Variants in ERBB4 observed in about 807,000 individuals in gnomAD.
ERBB4 encodes the protein receptor tyrosine-protein kinase erbB-4.
ERBB4 carries 42 observed loss-of-function variants against 158.0 expected under a neutral mutation model. The ratio of observed to expected loss-of-function variants is 0.27; its 90% CI spans 0.21 to 0.34. The LOEUF is 0.34. Ranked by LOEUF, ERBB4 falls within the 10% of genes least tolerant of loss-of-function variation. The probability of loss-of-function intolerance (pLI) is 1.00; values close to 1 mark genes in which losing one functional copy is unlikely to be tolerated. For synonymous variants in ERBB4, 583 were observed against 558.7 expected (o/e 1.04, Z -0.61); for missense variants, 1,333 against 1,624.1 (o/e 0.82, Z 3.08).
At chr2:211,761,297 G>A (rs2075406639) in intron 4 of ERBB4, among the ~76,000 whole-genome samples, 1 of 151,292 alleles carries the variant, frequency 6.6e-6, no homozygotes, top group Admixed American at 6.6e-5. Flanking sequence ...AACATACTAT[G>A]ACTGAGAACT....
chr2:211,637,373 G>T (rs1238412760), intron 16 of ERBB4, among the ~76,000 whole-genome samples: 1 of 151,830 alleles, frequency 6.6e-6, no homozygotes, highest in Non-Finnish European at 1.5e-5. Context: ...TCTTAATTAT[G>T]TATATAATTT....
At position 212,167,546 on chromosome 2, in the gene ERBB4, T is replaced by C. The variant is rs542650815; in HGVS notation, c.83-42643A>G. Among the ~76,000 whole-genome samples, 3 of 152,238 alleles carry C rather than the reference T, an allele frequency of 2.0e-5. No individual in the cohort carries two copies. The East Asian group carries it at 5.8e-4, about 29-fold the overall frequency. The stretch of plus-strand genomic sequence containing the variant: ...AGACAGTATGGCTATTCCTCAAGGA[T>C]TTAGAACCAGAAATACCATTTGACC... On this transcript the variant is annotated intron_variant, in intron 1 of 27. Coordinates refer to ENST00000342788, the MANE Select transcript of ERBB4 (RefSeq NM_005235.3).
intron 25 of ERBB4, among the ~76,000 whole-genome samples, chr2:211,392,590 ACACACACACACC>A (rs753535931): frequency 0.022 from 3,339 of 150,884 alleles, 57 homozygotes; most frequent in Admixed American, 0.035. Context: ...ACACACACAC[ACACACACACACC>A]CCAATAATGA....
intron 1 of ERBB4, among the ~76,000 whole-genome samples, chr2:212,500,169 G>A (rs1690807563): frequency 6.6e-6 from 1 of 152,036 alleles, no homozygotes; most frequent in African/African-American, 2.4e-5. Context: ...GACTGCCTCA[G>A]GTAAATTATC....
At chr2:212,068,891 A>C (rs2078024094) in intron 2 of ERBB4, among the ~76,000 whole-genome samples, 1 of 152,072 alleles carries the variant, frequency 6.6e-6, no homozygotes. Flanking sequence ...GAAAGTATCT[A>C]TACACTTTTT....
intron 3 of ERBB4, among the ~76,000 whole-genome samples, chr2:211,824,186 C>A (rs1167219186): frequency 6.6e-6 from 1 of 151,974 alleles, no homozygotes; most frequent in Admixed American, 6.6e-5. Context: ...TTTCATCCTT[C>A]CCCTTAAGGT....
chr2:211,404,022 C>T (rs571522086), intron 25 of ERBB4, among the ~76,000 whole-genome samples: 23 of 152,132 alleles, frequency 1.5e-4, no homozygotes, highest in African/African-American at 4.1e-4. Context: ...AGATATACAA[C>T]GTTAGTATTT....
chr2:212,188,803 T>C (rs1005192834), intron 1 of ERBB4, among the ~76,000 whole-genome samples: 3 of 152,080 alleles, frequency 2.0e-5, no homozygotes, highest in Admixed American at 6.6e-5. Flanking sequence ...TGACATAGTC[T>C]TCCATAGACT....
chr2:211,583,651 ACTGT>A (rs1457151849), intron 19 of ERBB4, among the ~76,000 whole-genome samples: 1 of 151,580 alleles, frequency 6.6e-6, no homozygotes, highest in Non-Finnish European at 1.5e-5. Context: ...TATCTATAGG[ACTGT>A]CTTTTATCAC....
At chr2:211,395,251 T>C (rs2062886261) in intron 25 of ERBB4, among the ~76,000 whole-genome samples, 1 of 152,128 alleles carries the variant, frequency 6.6e-6, no homozygotes, top group African/African-American at 2.4e-5. Context: ...CACATTTGGA[T>C]GATGACTCAT....
chr2:212,208,758 G>T (rs1231961909), intron 1 of ERBB4, among the ~76,000 whole-genome samples: 2 of 152,090 alleles, frequency 1.3e-5, no homozygotes, highest in Non-Finnish European at 2.9e-5. Flanking sequence ...AAACAATCCT[G>T]TAACACTTCC....
chr2:211,901,916 ATGG>A (rs943397208), intron 3 of ERBB4, among the ~76,000 whole-genome samples: 9 of 152,212 alleles, frequency 5.9e-5, no homozygotes, highest in African/African-American at 2.2e-4. Context: ...CTCCTTAGAC[ATGG>A]TGTGTAGGTA....
intron 4 of ERBB4, among the ~76,000 whole-genome samples, chr2:211,772,838 CATATATATATATATATATATAT>C (rs1278564933): frequency 5.5e-5 from 1 of 18,304 alleles, no homozygotes; most frequent in Non-Finnish European, 1.0e-4. Flanking sequence ...TATATATACA[CATATATATATATATATATATAT>C]ATATATATAC....
intron 1 of ERBB4, among the ~76,000 whole-genome samples, chr2:212,393,013 G>A (rs927230716): frequency 1.3e-5 from 2 of 151,856 alleles, no homozygotes; most frequent in Non-Finnish European, 2.9e-5. Flanking sequence ...GATAACCAGG[G>A]GAACTACAAT....
chr2:211,665,805 C>A (rs2071608934), intron 14 of ERBB4, among the ~76,000 whole-genome samples: 1 of 152,158 alleles, frequency 6.6e-6, no homozygotes, highest in South Asian at 2.1e-4. Context: ...TTAATTTGAT[C>A]AGCAAAACTG....
chr2:211,626,852 G>T (rs1345618269), intron 17 of ERBB4, among the ~76,000 whole-genome samples: 1 of 151,888 alleles, frequency 6.6e-6, no homozygotes, highest in Non-Finnish European at 1.5e-5. Flanking sequence ...GTGAACCCAG[G>T]AGGCGGAGCT....
At chr2:211,788,511 G>A (rs1559520170) in intron 3 of ERBB4, among the ~76,000 whole-genome samples, 1 of 151,986 alleles carries the variant, frequency 6.6e-6, no homozygotes, top group Non-Finnish European at 1.5e-5. Context: ...TTAATATTAT[G>A]TAGTGAGTAC....
chr2:212,391,543 T>A (rs2090854511), intron 1 of ERBB4, among the ~76,000 whole-genome samples: 7 of 147,574 alleles, frequency 4.7e-5, no homozygotes, highest in Admixed American at 4.7e-4. Flanking sequence ...GCCTCATAGA[T>A]ATATCACCAA....
chr2:211,675,105 T>C (rs552014931), intron 13 of ERBB4, among the ~76,000 whole-genome samples: 26 of 152,280 alleles, frequency 1.7e-4, no homozygotes, highest in African/African-American at 6.0e-4. Flanking sequence ...TAATTTCTCT[T>C]TTTCTTTCCT....
Sources: allele counts gnomAD v4.1 joint callset (sites outside exome capture counted in the v4.1 genomes callset), GRCh38; gene constraint gnomAD v4.1.1; transcripts MANE v1.5; gene names NCBI Gene and HGNC (gene_info 2026-07-23, HGNC 2026-07-21).